Variants in OR51G2 observed in about 807,000 individuals in gnomAD.
The protein encoded by OR51G2 is olfactory receptor 51G2.
A neutral mutation model predicts 11.8 loss-of-function variants in OR51G2; 13 were observed. The ratio of observed to expected loss-of-function variants is 1.10; its 90% CI spans 0.72 to 1.76. OR51G2 has a LOEUF of 1.76. Ranked by LOEUF, OR51G2 falls within the 40% of genes most tolerant of loss-of-function variation. The pLI, the probability that OR51G2 is intolerant of heterozygous loss-of-function variation, is 0.00. For synonymous variants in OR51G2, 178 were observed against 151.9 expected (o/e 1.17, Z -1.26); for missense variants, 474 against 394.4 (o/e 1.20, Z -1.71).
chr11:4,917,400 A>G (rs1254978017), intron 1 of OR51G2, among the ~76,000 whole-genome samples: 4 of 152,244 alleles, frequency 2.6e-5, no homozygotes, highest in Non-Finnish European at 2.9e-5. Context: ...CTTTCTTGCC[A>G]TATAGATAAT....
intron 1 of OR51G2, among the ~76,000 whole-genome samples, chr11:4,916,154 TA>T (rs5789343): frequency 7.0e-4 from 103 of 146,488 alleles, no homozygotes; most frequent in Non-Finnish European, 6.3e-4. Context: ...CAGTCTCTAC[TA>T]AAAAAAAAAA....
Position 4,913,901 on chromosome 11 carries a change from A to T in OR51G2, c.*818T>A, listed in dbSNP as rs1589937128. 6.6e-6 allele frequency: 1 copy of T among 152,106 alleles called. No homozygotes were observed. The highest frequency in any genetic ancestry group is 1.5e-5 in the Non-Finnish European group (1 of 68,024). 9.4% of individuals were successfully genotyped at this position (152,106 alleles called of 1,614,324 possible). A position where few individuals can be genotyped will look rare whatever the true frequency, so the allele number is the denominator to read the frequency against. ...CTATTACTGTGTCAACTCAGGGAAA[A>T]CTTTTCTGATGCTCCCTTCCCCCAG... On this transcript the variant is annotated 3_prime_UTR_variant, in exon 2 of 2. Transcript: ENST00000641926.
In OR51G2 at chr11:4,914,712, GAC is replaced by G. The variant is rs2133573335; in HGVS notation, c.*5_*6del. 2 of 1,595,450 alleles carry G rather than the reference GAC, an allele frequency of 1.3e-6. No individual in the cohort carries two copies. Among genetic ancestry groups the G allele is most frequent in the Non-Finnish European group, 1.7e-6 (2 of 1,164,786 alleles). ...TCAGGAGACAGTGGCTCTAACACTAGACACAGTTAGTAACAAAAGGCATGCGT... is the reference window on the plus strand; with the variant it reads ...TCAGGAGACAGTGGCTCTAACACTAGACAGTTAGTAACAAAAGGCATGCGT... On this transcript the variant is annotated 3_prime_UTR_variant, in exon 2 of 2. Coordinates refer to ENST00000641926, the MANE Select transcript of OR51G2 (RefSeq NM_001005238.2).
rs921370354 is a variant in OR51G2, at chr11:4,915,618, T to C, written c.46A>G (p.Thr16Ala). The change falls in exon 2 of 2, where the codon ACC becomes GCC. Residue 16 changes from threonine (T) to alanine (A), a missense_variant. By Grantham distance (58) the Thr-to-Ala change is moderately conservative. Transcript: ENST00000641926. ...LGNSSSSVSATFLLSGIPGLE... is the reference protein window; with the variant it reads ...LGNSSSSVSAAFLLSGIPGLE... The stretch of plus-strand genomic sequence containing the variant: ...CCAGGGATGCCACTCAGCAGGAAGG[T>C]AGCAGAAACGCTGCTGCTGCTGTTT... 2 of 1,613,746 alleles carry C rather than the reference T, an allele frequency of 1.2e-6. No homozygotes were observed. Among genetic ancestry groups the C allele is most frequent in the African/African-American group, 2.7e-5 (2 of 74,898 alleles).
In OR51G2 at chr11:4,915,540, C is replaced by G. The variant is rs1319023547; in HGVS notation, c.124G>C (p.Val42Leu). The change falls in exon 2 of 2, where the codon GTT (valine) becomes CTT (leucine). Residue 42 changes from valine to leucine, a missense_variant. By Grantham distance (32) the Val-to-Leu change is conservative. Transcript: ENST00000641926. ...ATTGTGCAGTTGCCCGGGATGGAAA[C>G]CAGATACATGAAGCACAGTGGGATG... Reference protein sequence around the residue: ...ISIPLCFMYLVSIPGNCTILF... With the variant: ...ISIPLCFMYLLSIPGNCTILF... 6.2e-7 allele frequency: 1 copy of G among 1,613,938 alleles called. No homozygotes were observed. Among genetic ancestry groups the G allele is most frequent in the African/African-American group, 1.3e-5 (1 of 74,882 alleles).
chr11:4,914,907 C>A lies in OR51G2; in HGVS notation c.757G>T (p.Val253Leu), dbSNP rs780978252. 6.8e-6 allele frequency: 11 copies of A among 1,614,102 alleles called. No individual in the cohort carries two copies. The highest frequency in any genetic ancestry group is 3.3e-5 in the Admixed American group (2 of 60,014). ...LNTCVSHICA[V>L]LLFYTPMIGL... ...ATCATGGGAGTGTAGAAGAGCAGCA[C>A]AGCACAGATGTGGGAAACACAGGTG... is the stretch of plus-strand genomic sequence containing the variant. The change falls in exon 2 of 2, where the codon GTG becomes TTG. Residue 253 changes from valine (V) to leucine (L), a missense_variant. Val to Leu is a conservative substitution (Grantham distance 32). Coordinates refer to ENST00000641926, the MANE Select transcript of OR51G2 (RefSeq NM_001005238.2).
rs778896766 is a variant in OR51G2, at chr11:4,915,284, C to T, written c.380G>A (p.Arg127His). The change falls in exon 2 of 2, where the codon CGC becomes CAC. Residue 127 changes from arginine to histidine, a missense_variant. By Grantham distance (29) the Arg-to-His change is conservative. Transcript: ENST00000641926. ...SSVLLSMAFD[R>H]FVAICHPLHY... The stretch of plus-strand genomic sequence containing the variant: ...CAAGGGGTGGCAGATAGCCACAAAG[C>T]GGTCAAAGGCCATAGACAGTAGCAC... The T allele has an allele frequency of 8.1e-5, 131 of 1,613,676 alleles. 1 individual carries two copies. The highest frequency in any genetic ancestry group is 3.3e-4 in the Middle Eastern group (2 of 6,082).
intron 1 of OR51G2, among the ~76,000 whole-genome samples, chr11:4,916,470 CTTCTT>C (rs1158799266): frequency 1.3e-5 from 2 of 151,468 alleles, no homozygotes; most frequent in Non-Finnish European, 1.5e-5. Context: ...TTTATTTCAC[CTTCTT>C]TTCTTTTCCT....
In OR51G2 at chr11:4,917,006, G is replaced by A. The variant is rs1403523175; in HGVS notation, c.-76-1267C>T. Among the ~76,000 whole-genome samples, 3 of 152,256 alleles carry A rather than the reference G, an allele frequency of 2.0e-5. No homozygotes were observed. The East Asian group carries it at 5.8e-4, about 29-fold the overall frequency. On this transcript the variant is annotated intron_variant, in intron 1 of 1. Transcript: ENST00000641926. ...GGGAAGAGGTCATATGCCAATTCAG[G>A]CCTCCTGACTTCCACAGCAGTGATC...
intron 1 of OR51G2, among the ~76,000 whole-genome samples, chr11:4,917,386 T>C (rs950072848): frequency 2.4e-4 from 36 of 152,366 alleles, no homozygotes; most frequent in African/African-American, 8.7e-4. Flanking sequence ...AAACAATGAT[T>C]ACTCTTTCTT....
At chr11:4,917,460 G>A (rs1316255054) in intron 1 of OR51G2, among the ~76,000 whole-genome samples, 1 of 152,152 alleles carries the variant, frequency 6.6e-6, no homozygotes, top group Non-Finnish European at 1.5e-5. Context: ...TAAAAGCATT[G>A]CTGATTCTTT....
At position 4,915,556 on chromosome 11, in the gene OR51G2, C is replaced by T; in HGVS notation, c.108G>A (p.Leu36=). Reference sequence around the variant, plus strand: ...GGATGGAAACCAGATACATGAAGCACAGTGGGATGGAGATCCAGATGTGCA... The same window carrying T: ...GGATGGAAACCAGATACATGAAGCATAGTGGGATGGAGATCCAGATGTGCA... ...ERMHIWISIP[L]CFMYLVSIPG... The change falls in exon 2 of 2, where the codon CTG becomes CTA. Residue 36 remains leucine (L), a synonymous_variant. Coordinates refer to ENST00000641926, the MANE Select transcript of OR51G2 (RefSeq NM_001005238.2). 6.2e-7 allele frequency: 1 copy of T among 1,614,008 alleles called. No individual in the cohort carries two copies. The highest frequency in any genetic ancestry group is 1.1e-5 in the South Asian group (1 of 91,078).
Position 4,915,021 on chromosome 11 carries a change from C to G in OR51G2, c.643G>C (p.Asp215His), listed in dbSNP as rs759782925. The change falls in exon 2 of 2, where the codon GAC (aspartate) becomes CAC (histidine). Residue 215 changes from aspartate to histidine, a missense_variant. Asp to His is a moderately conservative substitution (Grantham distance 81, BLOSUM62 -1). Coordinates refer to ENST00000641926, the MANE Select transcript of OR51G2 (RefSeq NM_001005238.2). Reference protein sequence around the residue: ...MFVIVSTVGIDSLLILFSYAL... With the variant: ...MFVIVSTVGIHSLLILFSYAL... ...TAAGAGAAGAGGATGAGCAGTGAGT[C>G]TATACCCACTGTAGAGACGATGACA... is the stretch of plus-strand genomic sequence containing the variant. 1.2e-6 allele frequency: 2 copies of G among 1,614,052 alleles called. No homozygotes were observed.
At chr11:4,917,790 AATT>A (rs1460555439) in intron 1 of OR51G2, among the ~76,000 whole-genome samples, 1 of 152,054 alleles carries the variant, frequency 6.6e-6, no homozygotes, top group Admixed American at 6.6e-5. Flanking sequence ...AATAGTCTCT[AATT>A]GTTCAGTGTT....
At chr11:4,917,185 C>CTAACTAA (rs1851109321) in intron 1 of OR51G2, among the ~76,000 whole-genome samples, 1 of 152,198 alleles carries the variant, frequency 6.6e-6, no homozygotes, top group Admixed American at 6.5e-5. Flanking sequence ...TTTTATTTCG[C>CTAACTAA]TAACTAATAG....
intron 1 of OR51G2, 77 bp from the exon 2 acceptor site, chr11:4,915,816 C>G (rs1851079907): frequency 7.6e-6 from 4 of 527,002 alleles, no homozygotes; most frequent in Admixed American, 6.6e-5. Context: ...TTATGTCTTT[C>G]TGGTCCTTGA....
intron 1 of OR51G2, among the ~76,000 whole-genome samples, chr11:4,917,544 C>T (rs557680129): frequency 1.1e-4 from 17 of 152,250 alleles, no homozygotes; most frequent in African/African-American, 3.6e-4. Context: ...ACTCCAATAA[C>T]GGTGGCATTA....
At chr11:4,916,619 G>C (rs944438415) in intron 1 of OR51G2, among the ~76,000 whole-genome samples, 1 of 151,864 alleles carries the variant, frequency 6.6e-6, no homozygotes, top group South Asian at 2.1e-4. Flanking sequence ...CTTCTCCTCT[G>C]GTCTTCCTGA....
chr11:4,914,917 G>T lies in OR51G2; in HGVS notation c.747C>A (p.His249Gln). ...RFKALNTCVS[H>Q]ICAVLLFYTP... ...TGTAGAAGAGCAGCACAGCACAGAT[G>T]TGGGAAACACAGGTGTTAAGGGCCT... The change falls in exon 2 of 2, where the codon CAC becomes CAA. Residue 249 changes from histidine to glutamine, a missense_variant. By Grantham distance (24) the His-to-Gln change is conservative (BLOSUM62 0). Transcript: ENST00000641926. 1 of 1,614,148 alleles carries T rather than the reference G, an allele frequency of 6.2e-7. No homozygotes were observed. The highest frequency in any genetic ancestry group is 8.5e-7 in the Non-Finnish European group (1 of 1,179,996).
Sources: allele counts gnomAD v4.1 joint callset (sites outside exome capture counted in the v4.1 genomes callset), GRCh38; gene constraint gnomAD v4.1.1; transcripts MANE v1.5; gene names NCBI Gene and HGNC (gene_info 2026-07-23, HGNC 2026-07-21).